Variants in CMKLR1 observed in about 807,000 individuals in gnomAD.
The protein encoded by CMKLR1 is chemerin-like receptor 1.
In CMKLR1, 6 loss-of-function variants were observed where a neutral mutation model predicts 8.2. The ratio of observed to expected loss-of-function variants is 0.73; its 90% CI spans 0.40 to 1.44. CMKLR1 has a LOEUF of 1.44. Ranked by LOEUF, CMKLR1 falls within the 40% of genes most tolerant of loss-of-function variation. The probability of loss-of-function intolerance (pLI) is 0.02; values close to 1 mark genes in which losing one functional copy is unlikely to be tolerated. For synonymous variants in CMKLR1, 178 were observed against 181.2 expected (o/e 0.98, Z 0.14); for missense variants, 429 against 478.0 (o/e 0.90, Z 0.96).
intron 2 of CMKLR1, among the ~76,000 whole-genome samples, chr12:108,312,816 A>C (rs1891619315): frequency 6.6e-6 from 1 of 152,092 alleles, no homozygotes; most frequent in South Asian, 2.1e-4. Flanking sequence ...CACCTTGCAC[A>C]TTCACAATGC....
At position 108,311,591 on chromosome 12, in the gene CMKLR1, G is replaced by A. The variant is rs528275531; in HGVS notation, c.-73-17927C>T. Among the ~76,000 whole-genome samples, 211 of 152,286 alleles carry A rather than the reference G, an allele frequency of 1.4e-3. 2 individuals are homozygous for A. The highest frequency in any genetic ancestry group is 4.4e-3 in the African/African-American group (184 of 41,560). Reference sequence around the variant, plus strand: ...CAGTGAGCTATGATTGCACCACTGCGCTCCAGCCTGGGTGACAGAGCAAGA... The same window carrying A: ...CAGTGAGCTATGATTGCACCACTGCACTCCAGCCTGGGTGACAGAGCAAGA... On this transcript the variant is annotated intron_variant, in intron 2 of 3. Coordinates refer to ENST00000550402, the MANE Select transcript of CMKLR1 (RefSeq NM_001142343.2).
intron 2 of CMKLR1, among the ~76,000 whole-genome samples, chr12:108,315,917 C>G (rs931836338): frequency 6.6e-6 from 1 of 152,152 alleles, no homozygotes; most frequent in East Asian, 1.9e-4. Context: ...TGATTTATCT[C>G]ATTGGTAAAA....
chr12:108,290,153 T>C lies in CMKLR1; in HGVS notation c.*1688A>G, dbSNP rs888910529. Reference sequence around the variant, plus strand: ...ATGTTGCATCATTTTTGAAAACTATTTGCAAAGTTTCTTAAAGGCCATTAA... The same window carrying C: ...ATGTTGCATCATTTTTGAAAACTATCTGCAAAGTTTCTTAAAGGCCATTAA... On this transcript the variant is annotated 3_prime_UTR_variant, in exon 4 of 4. Coordinates refer to ENST00000550402, the MANE Select transcript of CMKLR1 (RefSeq NM_001142343.2). 6.6e-6 allele frequency: 1 copy of C among 152,230 alleles called. No individual in the cohort carries two copies. Among genetic ancestry groups the C allele is most frequent in the Non-Finnish European group, 1.5e-5 (1 of 68,040 alleles). 9.4% of individuals were successfully genotyped at this position (152,230 alleles called of 1,614,324 possible).
At chr12:108,323,787 C>T (rs1891917174) in intron 2 of CMKLR1, among the ~76,000 whole-genome samples, 1 of 152,212 alleles carries the variant, frequency 6.6e-6, no homozygotes, top group South Asian at 2.1e-4. Flanking sequence ...TCCAATCTAG[C>T]GCCTCAGTTT....
chr12:108,304,031 G>A (rs140710622), intron 2 of CMKLR1, among the ~76,000 whole-genome samples: 32 of 152,300 alleles, frequency 2.1e-4, no homozygotes, highest in Non-Finnish European at 2.5e-4. Context: ...CTTTACCAAC[G>A]GGGATGTCTG....
intron 2 of CMKLR1, among the ~76,000 whole-genome samples, chr12:108,300,799 C>T (rs1891246987): frequency 1.3e-5 from 2 of 152,172 alleles, no homozygotes; most frequent in African/African-American, 4.8e-5. Context: ...GCAGCACTGC[C>T]TAGCATAAGA....
chr12:108,300,335 T>C (rs117372931), intron 2 of CMKLR1, among the ~76,000 whole-genome samples: 633 of 152,298 alleles, frequency 4.2e-3, no homozygotes, highest in Non-Finnish European at 7.6e-3. Flanking sequence ...CTTTTATAAC[T>C]CTATTTTGAA....
chr12:108,305,385 A>T (rs1219316060), intron 2 of CMKLR1, among the ~76,000 whole-genome samples: 2 of 152,190 alleles, frequency 1.3e-5, no homozygotes, highest in East Asian at 3.8e-4. Context: ...CACAGCCTCA[A>T]CCAGCAGCTG....
At chr12:108,303,773 A>G (rs1421664089) in intron 2 of CMKLR1, among the ~76,000 whole-genome samples, 1 of 152,158 alleles carries the variant, frequency 6.6e-6, no homozygotes, top group East Asian at 1.9e-4. Flanking sequence ...GTCCCCTGCA[A>G]TTTTCTCCCC....
At chr12:108,324,958 A>T (rs565806037) in intron 2 of CMKLR1, among the ~76,000 whole-genome samples, 7 of 152,346 alleles carry the variant, frequency 4.6e-5, no homozygotes, top group African/African-American at 1.7e-4. Context: ...CCCACCGGGA[A>T]TAAGTGCTTG....
intron 2 of CMKLR1, among the ~76,000 whole-genome samples, chr12:108,301,559 A>G (rs1450313029): frequency 6.6e-6 from 1 of 152,246 alleles, no homozygotes; most frequent in Non-Finnish European, 1.5e-5. Flanking sequence ...TGCCTGGCAC[A>G]TAGTAGGCAC....
intron 2 of CMKLR1, among the ~76,000 whole-genome samples, chr12:108,314,701 G>A (rs1415438555): frequency 6.6e-6 from 1 of 152,140 alleles, no homozygotes; most frequent in African/African-American, 2.4e-5. Flanking sequence ...TTTGGTAGCA[G>A]TAGCAGTGAT....
chr12:108,334,404 A>G (rs915894233), intron 1 of CMKLR1, among the ~76,000 whole-genome samples: 3 of 152,216 alleles, frequency 2.0e-5, no homozygotes, highest in Non-Finnish European at 4.4e-5. Flanking sequence ...TTGAAGCCTC[A>G]GTGTCTTCCA....
chr12:108,333,543 C>T (rs1593181828), intron 1 of CMKLR1, among the ~76,000 whole-genome samples: 1 of 152,354 alleles, frequency 6.6e-6, no homozygotes, highest in Non-Finnish European at 1.5e-5. Flanking sequence ...CTTCACTGAA[C>T]TGACCACGTG....
intron 2 of CMKLR1, among the ~76,000 whole-genome samples, chr12:108,316,536 G>C (rs1891739013): frequency 6.6e-6 from 1 of 152,162 alleles, no homozygotes. Context: ...AAGTCCCCAG[G>C]AAGAGAGACC....
intron 2 of CMKLR1, among the ~76,000 whole-genome samples, chr12:108,310,965 C>T (rs1198867105): frequency 1.4e-5 from 2 of 141,352 alleles, no homozygotes; most frequent in Admixed American, 7.0e-5. Flanking sequence ...CCACCCCCCG[C>T]CCAGGAGATG....
intron 2 of CMKLR1, among the ~76,000 whole-genome samples, chr12:108,306,181 G>A (rs1341281983): frequency 6.6e-6 from 1 of 152,162 alleles, no homozygotes; most frequent in Non-Finnish European, 1.5e-5. Context: ...TGGAGCGTGC[G>A]GTTGGGTACA....
chr12:108,293,047 CT>C (rs1307882832), intron 3 of CMKLR1, 88 bp from the exon 4 acceptor site: 1 of 1,279,364 alleles, frequency 7.8e-7, no homozygotes, highest in African/African-American at 1.5e-5. Context: ...AATGTTCCCC[CT>C]GACTCTGAGC....
At chr12:108,323,007 C>G (rs1244862763) in intron 2 of CMKLR1, among the ~76,000 whole-genome samples, 1 of 152,120 alleles carries the variant, frequency 6.6e-6, no homozygotes, top group Non-Finnish European at 1.5e-5. Flanking sequence ...CTCAGATTCC[C>G]CCTTCAGCCA....
Sources: allele counts gnomAD v4.1 joint callset (sites outside exome capture counted in the v4.1 genomes callset), GRCh38; gene constraint gnomAD v4.1.1; transcripts MANE v1.5; gene names NCBI Gene and HGNC (gene_info 2026-07-23, HGNC 2026-07-21).